Variants in SERINC2 observed in about 807,000 individuals in gnomAD.
SERINC2 encodes serine incorporator 2.
Under a neutral mutation model 54.2 loss-of-function variants are expected in SERINC2, and 56 were observed. That is an observed-to-expected ratio of 1.03 (90% CI 0.83 to 1.29). The LOEUF is 1.29. Ranked by LOEUF, SERINC2 falls within the 50% of genes most tolerant of loss-of-function variation. The probability of loss-of-function intolerance (pLI) is 0.00; values close to 1 mark genes in which losing one functional copy is unlikely to be tolerated. For synonymous variants in SERINC2, 272 were observed against 253.1 expected (o/e 1.07, Z -0.71); for missense variants, 614 against 607.4 (o/e 1.01, Z -0.12).
rs1025785720 is a variant in SERINC2, at chr1:31,434,355, G to A, written c.*156G>A. The A allele has an allele frequency of 7.1e-5, 51 of 721,532 alleles. No homozygotes were observed. Among genetic ancestry groups the A allele is most frequent in the Non-Finnish European group, 9.3e-5 (41 of 440,898 alleles). The allele number at this position is 721,532 out of a possible 1,614,324, so 44.7% of individuals were successfully genotyped here. A position where few individuals can be genotyped will look rare whatever the true frequency, so the allele number is the denominator to read the frequency against. ...TGCCCCTGAGCCGGGCCTTCTAGTCGTAGTGCCTTCAGGGTCCGAGGAGCA... is the reference window on the plus strand; with the variant it reads ...TGCCCCTGAGCCGGGCCTTCTAGTCATAGTGCCTTCAGGGTCCGAGGAGCA... On this transcript the variant is annotated 3_prime_UTR_variant, in exon 10 of 10. Coordinates refer to ENST00000373709, the MANE Select transcript of SERINC2 (RefSeq NM_178865.5).
rs2275437 is a variant in SERINC2 at position 31,424,796 on chromosome 1, G to A, written c.315G>A (p.Ala105=). 0.074 allele frequency: 119,618 copies of A among 1,611,638 alleles called. 6,270 individuals carry two copies. Among genetic ancestry groups the A allele is most frequent in the East Asian group, 0.21 (9,574 of 44,780 alleles). The change falls in exon 3 of 10, where the codon GCG becomes GCA. Residue 105 remains alanine (A), a synonymous_variant. Coordinates refer to ENST00000373709, the MANE Select transcript of SERINC2 (RefSeq NM_178865.5). Reference sequence around the variant, plus strand: ...TCTACCGCATGTGCTTCGCCACGGCGGCCTTCTTCTTCTTTTTCACCCTGC... The same window carrying A: ...TCTACCGCATGTGCTTCGCCACGGCAGCCTTCTTCTTCTTTTTCACCCTGC... The part of the protein sequence containing the change: ...RAVYRMCFAT[A]AFFFFFTLLM...
At chr1:31,433,532 A>C (rs2148534935) in intron 9 of SERINC2, among the ~76,000 whole-genome samples, 1 of 152,236 alleles carries the variant, frequency 6.6e-6, no homozygotes, top group Middle Eastern at 3.4e-3. Context: ...GTGCAGAACC[A>C]AAGTTACAAG....
chr1:31,423,578 G>A (rs1640951916), intron 1 of SERINC2, 115 bp from the exon 2 acceptor site: 4 of 1,093,590 alleles, frequency 3.7e-6, no homozygotes, highest in Non-Finnish European at 5.2e-6. Context: ...GGTGTCTGGG[G>A]AACAGTGTGC....
At chr1:31,419,652 A>G (rs886494852) in intron 1 of SERINC2, among the ~76,000 whole-genome samples, 21 of 151,798 alleles carry the variant, frequency 1.4e-4, no homozygotes, top group Non-Finnish European at 2.4e-4. Context: ...ACATGAGAAA[A>G]CCCTGTATCT....
chr1:31,431,328 A>G (rs542746922), intron 8 of SERINC2, among the ~76,000 whole-genome samples: 16 of 145,384 alleles, frequency 1.1e-4, no homozygotes, highest in African/African-American at 4.1e-4. Flanking sequence ...TAGAGACACT[A>G]TGTTGCCCAG....
At chr1:31,417,852 CTTT>C (rs3050463) in intron 1 of SERINC2, among the ~76,000 whole-genome samples, 27 of 95,720 alleles carry the variant, frequency 2.8e-4, no homozygotes, top group Admixed American at 9.0e-4. Context: ...AAATTTCATT[CTTT>C]TTTTTTTTTT....
In SERINC2 at chr1:31,434,342, G is replaced by A. The variant is rs898557936; in HGVS notation, c.*143G>A. The A allele has an allele frequency of 1.1e-4, 92 of 824,672 alleles. No homozygotes were observed. Among genetic ancestry groups the A allele is most frequent in the African/African-American group, 1.0e-3 (61 of 58,480 alleles). 51.1% of individuals were successfully genotyped at this position (824,672 alleles called of 1,614,324 possible). On this transcript the variant is annotated 3_prime_UTR_variant, in exon 10 of 10. Transcript: ENST00000373709. ...CAGCTCCAGGACCTGCCCCTGAGCC[G>A]GGCCTTCTAGTCGTAGTGCCTTCAG...
At chr1:31,417,717 T>C (rs1640812873) in intron 1 of SERINC2, among the ~76,000 whole-genome samples, 1 of 152,152 alleles carries the variant, frequency 6.6e-6, no homozygotes, top group Non-Finnish European at 1.5e-5. Context: ...AATTCACTGC[T>C]TTTCTCTATG....
At chr1:31,411,333 T>C (rs1934290), upstream of SERINC2, among the ~76,000 whole-genome samples, 73,813 of 152,014 alleles carry the variant, frequency 0.49, 18,611 homozygotes, top group East Asian at 0.8. Context: ...CCTTCAGCAA[T>C]AGTAACAACA....
intron 1 of SERINC2, chr1:31,414,143 GA>G (rs1640716895): frequency 7.1e-7 from 1 of 1,416,424 alleles, no homozygotes; most frequent in Admixed American, 2.8e-5. Context: ...TGTGCGCGGG[GA>G]GTGCCCGGTC....
upstream of SERINC2, among the ~76,000 whole-genome samples, chr1:31,411,849 A>G (rs114402186): frequency 5.2e-3 from 783 of 152,012 alleles, 7 homozygotes; most frequent in African/African-American, 0.018. Context: ...AATTTTTAAA[A>G]AATTAGCTGG....
intron 1 of SERINC2, among the ~76,000 whole-genome samples, chr1:31,420,448 C>T (rs1236830058): frequency 3.3e-5 from 5 of 152,226 alleles, no homozygotes; most frequent in African/African-American, 1.2e-4. Context: ...AAGCCAGCAT[C>T]AGGACCTGAC....
chr1:31,412,132 C>T (rs919262139), upstream of SERINC2, among the ~76,000 whole-genome samples: 118 of 151,976 alleles, frequency 7.8e-4, 1 homozygote, highest in Non-Finnish European at 2.5e-4. Flanking sequence ...CCCAGTGAAT[C>T]AGCCAAGGAT....
At chr1:31,413,097 G>A, upstream of SERINC2, 15 of 996,264 alleles carry the variant, frequency 1.5e-5, no homozygotes, top group Non-Finnish European at 1.7e-5. The surrounding 1 kb of genome is among the most constrained non-coding windows in gnomAD (Gnocchi z 5.0). Flanking sequence ...ACCTGCCCCA[G>A]GTGAGTCTGG....
chr1:31,411,648 T>C (rs148526035), upstream of SERINC2, among the ~76,000 whole-genome samples: 107 of 152,092 alleles, frequency 7.0e-4, no homozygotes, highest in Admixed American at 1.2e-3. Flanking sequence ...CTGAGAGGTA[T>C]GGCATGTGAG....
At chr1:31,414,542 C>T in intron 1 of SERINC2, 1 of 989,504 alleles carries the variant, frequency 1.0e-6, no homozygotes, top group Non-Finnish European at 1.2e-6. Flanking sequence ...AGAATGAGAT[C>T]AGCATAGACA....
intron 5 of SERINC2, among the ~76,000 whole-genome samples, chr1:31,426,408 T>C (rs1553133615): frequency 6.6e-6 from 1 of 152,214 alleles, no homozygotes. Flanking sequence ...TTTGCAAGAC[T>C]GTTTTGAGTT....
chr1:31,424,033 C>G (rs1454113035), intron 2 of SERINC2, among the ~76,000 whole-genome samples, 179 bp downstream of exon 2: 1 of 152,148 alleles, frequency 6.6e-6, no homozygotes, highest in African/African-American at 2.4e-5. Context: ...GGGGATTCTT[C>G]TTTCTCTTAG....
chr1:31,431,769 G>GGGTGGATAGGATGGTTAGGGTGGAC (rs1641212665), intron 8 of SERINC2, among the ~76,000 whole-genome samples: 2 of 28,332 alleles, frequency 7.1e-5, no homozygotes, highest in African/African-American at 2.2e-4. Flanking sequence ...AGAGGGTGGA[G>GGGTGGATAGGATGGTTAGGGTGGAC]AGGGTGAATA....
Sources: allele counts gnomAD v4.1 joint callset (sites outside exome capture counted in the v4.1 genomes callset), GRCh38; gene constraint gnomAD v4.1.1; non-coding constraint Gnocchi (gnomAD v3.1); transcripts MANE v1.5; gene names NCBI Gene and HGNC (gene_info 2026-07-23, HGNC 2026-07-21).